The following EML1 variants were observed in gnomAD, a reference collection of about 807,000 sequenced individuals.
The protein encoded by EML1 is EMAP like 1, also known as echinoderm microtubule-associated protein-like 1.
Under a neutral mutation model 110.4 loss-of-function variants are expected in EML1, and 27 were observed. That is an observed-to-expected ratio of 0.24 (90% CI 0.18 to 0.34). The LOEUF (loss-of-function observed/expected upper bound fraction) is 0.34, where lower values mean the gene tolerates loss of function less well. Ranked by LOEUF, EML1 falls within the 10% of genes least tolerant of loss-of-function variation. The pLI, the probability that EML1 is intolerant of heterozygous loss-of-function variation, is 1.00. For synonymous variants in EML1, 344 were observed against 385.8 expected (o/e 0.89, Z 1.27); for missense variants, 741 against 1,030.9 (o/e 0.72, Z 3.85).
At chr14:99,769,465 C>T (rs75978758), upstream of EML1, among the ~76,000 whole-genome samples, 7 of 152,308 alleles carry the variant, frequency 4.6e-5, no homozygotes, top group East Asian at 1.9e-4. Context: ...TGGCCTCCCC[C>T]ACAGTGGGCA....
At position 99,781,180 on chromosome 14, in the gene EML1, C is replaced by A. The variant is rs979482752; in HGVS notation, c.-27+7167C>A. On this transcript the variant is annotated intron_variant, in intron 1 of 22. Coordinates refer to the EML1 transcript ENST00000327921. This position sits in a 1 kb window ranked among gnomAD's most constrained non-coding sequence, Gnocchi z 4.2. ...CTTGACTCGTCCCCAGCTTCTAATTCTTTCCTCTAATTCTTTCCTCCTCCC... is the reference window on the plus strand; with the variant it reads ...CTTGACTCGTCCCCAGCTTCTAATTATTTCCTCTAATTCTTTCCTCCTCCC... Among the ~76,000 whole-genome samples, 5 of 152,008 alleles carry A rather than the reference C, an allele frequency of 3.3e-5. No homozygotes were observed. Among genetic ancestry groups the A allele is most frequent in the African/African-American group, 1.2e-4 (5 of 41,378 alleles).
intron 17 of EML1, among the ~76,000 whole-genome samples, chr14:99,925,632 C>T (rs1566941382): frequency 6.6e-6 from 1 of 152,246 alleles, no homozygotes; most frequent in Admixed American, 6.5e-5. Flanking sequence ...GCTCCGTCCT[C>T]TGCCAGTGGC....
At chr14:99,884,667 G>A (rs916354184) in intron 4 of EML1, among the ~76,000 whole-genome samples, 1 of 152,198 alleles carries the variant, frequency 6.6e-6, no homozygotes, top group African/African-American at 2.4e-5. Flanking sequence ...GCCGATCTAA[G>A]TAAGAAGATA....
At chr14:99,800,545 T>G (rs1390624473) in intron 1 of EML1, among the ~76,000 whole-genome samples, 1 of 152,086 alleles carries the variant, frequency 6.6e-6, no homozygotes, top group Admixed American at 6.5e-5. Context: ...AAAAAATTTT[T>G]TAGAGATGCA....
chr14:99,894,555 G>C (rs1398380352), intron 5 of EML1, 74 bp from the exon 6 acceptor site: 34 of 1,507,920 alleles, frequency 2.3e-5, no homozygotes, highest in Non-Finnish European at 8.9e-7. Flanking sequence ...TGAAAGGCTA[G>C]AGAGGATAAA....
At chr14:99,802,089 G>A (rs914927057) in intron 1 of EML1, among the ~76,000 whole-genome samples, 1 of 152,174 alleles carries the variant, frequency 6.6e-6, no homozygotes, top group African/African-American at 2.4e-5. Flanking sequence ...AGAGGCATCC[G>A]TGAGAGCGTC....
intron 2 of EML1, among the ~76,000 whole-genome samples, chr14:99,857,715 T>C (rs1484992719): frequency 6.6e-6 from 1 of 152,210 alleles, no homozygotes; most frequent in Admixed American, 6.5e-5. Flanking sequence ...CTTAGCATAC[T>C]TGTTTTCAGG....
intron 15 of EML1, among the ~76,000 whole-genome samples, chr14:99,915,886 G>T (rs2060026329): frequency 6.6e-6 from 1 of 152,158 alleles, no homozygotes; most frequent in South Asian, 2.1e-4. Flanking sequence ...CATGTCCCAG[G>T]TGCTAGGTTC....
chr14:99,912,251 A>C (rs1353530710), intron 13 of EML1, among the ~76,000 whole-genome samples: 1 of 152,162 alleles, frequency 6.6e-6, no homozygotes, highest in African/African-American at 2.4e-5. Flanking sequence ...GTATTTGTTG[A>C]GTATCTACTT....
rs2058380718 is a variant in EML1 at position 99,827,515 on chromosome 14, A to G, written c.68-23338A>G. Among the ~76,000 whole-genome samples, 1 of 152,102 alleles carries G rather than the reference A, an allele frequency of 6.6e-6. No individual in the cohort carries two copies. Among genetic ancestry groups the G allele is most frequent in the Non-Finnish European group, 1.5e-5 (1 of 68,014 alleles). ...GTGTTACCCCAAATTCATGTGTTGA[A>G]TCTCTAACCCTAGTGCCTCAGAGCA... On this transcript the variant is annotated intron_variant, in intron 1 of 21. Transcript: ENST00000262233. This position sits in a 1 kb window ranked among gnomAD's most constrained non-coding sequence, Gnocchi z 4.4.
At chr14:99,914,373 T>C in intron 14 of EML1, 69 bp downstream of exon 14, 7 of 1,573,606 alleles carry the variant, frequency 4.4e-6, no homozygotes, top group Non-Finnish European at 6.1e-6. Flanking sequence ...AATCAAGCAT[T>C]ACAATCAGGT....
chr14:99,921,146 C>A (rs2060124010), intron 17 of EML1, among the ~76,000 whole-genome samples: 1 of 152,034 alleles, frequency 6.6e-6, no homozygotes, highest in African/African-American at 2.4e-5. Flanking sequence ...TCATTCAGCT[C>A]CCACTTATAA....
intron 1 of EML1, among the ~76,000 whole-genome samples, chr14:99,810,068 G>A (rs899544945): frequency 7.2e-5 from 11 of 152,164 alleles, no homozygotes; most frequent in African/African-American, 2.4e-4. Flanking sequence ...CTGCTGACTT[G>A]TATCTGCGGA....
At position 99,814,744 on chromosome 14, in the gene EML1, A is replaced by C. The variant is rs111399916; in HGVS notation, c.67+21201A>C. On this transcript the variant is annotated intron_variant, in intron 1 of 21. Transcript: ENST00000262233. ...GAATCCCACCCCAAATGGACCAGTTAGCATGCAGCCAATAAGACATCTTCC... is the reference window on the plus strand; with the variant it reads ...GAATCCCACCCCAAATGGACCAGTTCGCATGCAGCCAATAAGACATCTTCC... Among the ~76,000 whole-genome samples, 1,336 of 152,318 alleles carry C rather than the reference A, an allele frequency of 8.8e-3. 18 individuals are homozygous for C. Among genetic ancestry groups the C allele is most frequent in the African/African-American group, 0.031 (1,268 of 41,560 alleles).
intron 1 of EML1, among the ~76,000 whole-genome samples, chr14:99,767,124 G>A (rs764366833): frequency 2.8e-4 from 42 of 152,222 alleles, no homozygotes; most frequent in African/African-American, 5.1e-4. Flanking sequence ...TCACGGAAAC[G>A]AGATTTGACT....
At chr14:99,817,321 CA>C (rs2058185068) in intron 1 of EML1, among the ~76,000 whole-genome samples, 1 of 152,160 alleles carries the variant, frequency 6.6e-6, no homozygotes, top group Non-Finnish European at 1.5e-5. Context: ...TGGTGTGCAG[CA>C]AAAGTGCTTC....
At chr14:99,790,847 G>GTTTTTTTTC (rs1373425325), upstream of EML1, among the ~76,000 whole-genome samples, 1 of 122,644 alleles carries the variant, frequency 8.2e-6, no homozygotes, top group African/African-American at 3.3e-5. Context: ...CCCTGCCAAA[G>GTTTTTTTTC]TTTTCTTTTT....
In EML1 at chr14:99,876,270, G is replaced by A. The variant is rs932861094; in HGVS notation, c.384-2215G>A. Among the ~76,000 whole-genome samples, 4 of 152,174 alleles carry A rather than the reference G, an allele frequency of 2.6e-5. No homozygotes were observed. In the South Asian group the frequency reaches 8.3e-4, roughly 32 times the overall value. On this transcript the variant is annotated intron_variant, in intron 3 of 21. Coordinates refer to ENST00000262233, the MANE Select transcript of EML1 (RefSeq NM_004434.3). ...TGAGGAGGGAGGACGTTGAGCTTCA[G>A]TGCAGGCGCAGGGGTCTTGCTGTGT...
intron 1 of EML1, among the ~76,000 whole-genome samples, chr14:99,801,726 C>A (rs960067140): frequency 3.9e-5 from 6 of 152,192 alleles, no homozygotes; most frequent in Non-Finnish European, 7.3e-5. Context: ...ATCATCCATC[C>A]CTTCCTCCCT....
Sources: allele counts gnomAD v4.1 joint callset (sites outside exome capture counted in the v4.1 genomes callset), GRCh38; gene constraint gnomAD v4.1.1; non-coding constraint Gnocchi (gnomAD v3.1); transcripts MANE v1.5; gene names NCBI Gene and HGNC (gene_info 2026-07-23, HGNC 2026-07-21).